The following SHISA9 variants were observed in gnomAD, a reference collection of about 807,000 sequenced individuals.
SHISA9 encodes shisa family member 9.
A neutral mutation model predicts 38.0 loss-of-function variants in SHISA9; 13 were observed. The ratio of observed to expected loss-of-function variants is 0.34; its 90% CI spans 0.22 to 0.54. The LOEUF is 0.54. Among genes scored for constraint, SHISA9 ranks in the 20% least tolerant of loss-of-function variants. SHISA9 has a pLI of 0.91. For missense variants in SHISA9, 538 were observed against 575.8 expected, an observed-to-expected ratio of 0.93 and a Z score of 0.67; for synonymous variants, 275 against 242.0, an observed-to-expected ratio of 1.14 and a Z score of -1.27.
At chr16:13,203,300 GGAGAGTTTTGGTCT>G (rs1197362485) in intron 2 of SHISA9, 80 bp from the exon 3 acceptor site, 17 of 1,239,342 alleles carry the variant, frequency 1.4e-5, no homozygotes, top group Non-Finnish European at 1.8e-5. Context: ...TAAAGGGTGG[GGAGAGTTTTGGTCT>G]CCAGTGATGT....
chr16:13,516,611 C>A, the SHISA9 span, among the ~76,000 whole-genome samples: 1 of 151,954 alleles, frequency 6.6e-6, no homozygotes, highest in Non-Finnish European at 1.5e-5. Context: ...ACCAGCCTGG[C>A]CAACATGGTG....
At chr16:13,343,414 T>A in the SHISA9 span, among the ~76,000 whole-genome samples, 6 of 152,264 alleles carry the variant, frequency 3.9e-5, no homozygotes, top group African/African-American at 1.4e-4. Flanking sequence ...AAAATGCTAA[T>A]CATCATCTAA....
chr16:13,495,605 G>A, the SHISA9 span, among the ~76,000 whole-genome samples: 1 of 151,794 alleles, frequency 6.6e-6, no homozygotes, highest in South Asian at 2.1e-4. Context: ...AGTAATATAT[G>A]TTACTTTTGT....
intron 2 of SHISA9, among the ~76,000 whole-genome samples, chr16:12,965,055 A>G (rs972333621): frequency 1.5e-4 from 23 of 151,978 alleles, no homozygotes; most frequent in African/African-American, 4.6e-4. Context: ...ACACACATAC[A>G]TATATATATG....
intron 2 of SHISA9, among the ~76,000 whole-genome samples, chr16:12,991,285 A>T (rs2072382998): frequency 6.6e-6 from 1 of 152,226 alleles, no homozygotes; most frequent in South Asian, 2.1e-4. Context: ...AAGGCAACTC[A>T]GAACATACAT....
the SHISA9 span, among the ~76,000 whole-genome samples, chr16:13,347,617 C>A: frequency 6.6e-6 from 1 of 152,158 alleles, no homozygotes; most frequent in South Asian, 2.1e-4. Flanking sequence ...CTTGGCTCAA[C>A]TAAAATTCTG....
the SHISA9 span, among the ~76,000 whole-genome samples, chr16:13,302,793 C>T: frequency 1.3e-5 from 2 of 152,248 alleles, no homozygotes; most frequent in South Asian, 2.1e-4. Context: ...CCCCATGTGT[C>T]GAGGGAGGGA....
At chr16:13,219,774 G>A (rs1433207145) in intron 4 of SHISA9, among the ~76,000 whole-genome samples, 1 of 152,122 alleles carries the variant, frequency 6.6e-6, no homozygotes, top group Admixed American at 6.6e-5. Flanking sequence ...CTGGCCAACA[G>A]AGATGGTGAA....
chr16:13,301,992 A>G, the SHISA9 span, among the ~76,000 whole-genome samples: 1 of 152,184 alleles, frequency 6.6e-6, no homozygotes, highest in African/African-American at 2.4e-5. Context: ...TTACTATTGC[A>G]GAGAGAATGG....
intron 2 of SHISA9, among the ~76,000 whole-genome samples, chr16:13,092,396 C>T (rs2073783859): frequency 6.6e-6 from 1 of 152,230 alleles, no homozygotes; most frequent in Non-Finnish European, 1.5e-5. Flanking sequence ...AAGTTGTCTG[C>T]TGCCTTTTGT....
At chr16:13,302,957 A>T in the SHISA9 span, among the ~76,000 whole-genome samples, 3 of 152,134 alleles carry the variant, frequency 2.0e-5, no homozygotes, top group African/African-American at 7.2e-5. Context: ...GTGTATAATT[A>T]TAAGTTTCCT....
the SHISA9 span, among the ~76,000 whole-genome samples, chr16:13,477,577 C>T: frequency 1.3e-5 from 2 of 152,204 alleles, no homozygotes; most frequent in South Asian, 4.1e-4. Flanking sequence ...TTCAAAGCCT[C>T]TTTGCACCAC....
At chr16:13,079,461 C>T (rs981965335) in intron 2 of SHISA9, among the ~76,000 whole-genome samples, 16 of 152,108 alleles carry the variant, frequency 1.1e-4, no homozygotes, top group African/African-American at 2.7e-4. Context: ...AAAAGGTAGG[C>T]CATTAAAAAT....
chr16:13,280,117 C>CTTTTTTTTTTTT, the SHISA9 span, among the ~76,000 whole-genome samples: 149 of 102,760 alleles, frequency 1.4e-3, 1 homozygote, highest in Middle Eastern at 5.6e-3. Flanking sequence ...CTCTCTTTCT[C>CTTTTTTTTTTTT]TTTTTTTTTT....
intron 2 of SHISA9, among the ~76,000 whole-genome samples, chr16:12,992,832 C>A (rs1477979216): frequency 6.6e-6 from 1 of 152,190 alleles, no homozygotes; most frequent in African/African-American, 2.4e-5. Flanking sequence ...TTACTGAATG[C>A]ATACCATGTA....
intron 2 of SHISA9, among the ~76,000 whole-genome samples, chr16:12,943,177 T>C (rs552768710): frequency 6.6e-6 from 1 of 151,930 alleles, no homozygotes; most frequent in African/African-American, 2.4e-5. Flanking sequence ...GGTGCTCTGA[T>C]TGGTTGGTCA....
At chr16:12,918,906 A>G (rs986056708) in intron 2 of SHISA9, among the ~76,000 whole-genome samples, 4 of 152,236 alleles carry the variant, frequency 2.6e-5, no homozygotes, top group Non-Finnish European at 5.9e-5. Context: ...AATAACAAAA[A>G]TAAGAAGAAT....
the SHISA9 span, among the ~76,000 whole-genome samples, chr16:13,385,924 C>T: frequency 2.6e-5 from 4 of 152,282 alleles, no homozygotes; most frequent in South Asian, 2.1e-4. Flanking sequence ...AATATGACTC[C>T]ACTAATATCC....
At chr16:12,915,481 C>T (rs750905125) in intron 1 of SHISA9, among the ~76,000 whole-genome samples, 3 of 152,086 alleles carry the variant, frequency 2.0e-5, no homozygotes, top group Non-Finnish European at 4.4e-5. Context: ...TGTTGTTTAT[C>T]GGGGCTGGGG....
Sources: gnomAD v4.1 joint callset for allele counts (sites outside exome capture counted in the v4.1 genomes callset) on GRCh38, gnomAD v4.1.1 for gene constraint, MANE v1.5 for transcripts, NCBI Gene and HGNC (gene_info 2026-07-23, HGNC 2026-07-21) for gene names.